Variants in MPP4 observed in about 807,000 individuals in gnomAD.
The protein encoded by MPP4 is MAGUK p55 scaffold protein 4, also known as MAGUK p55 subfamily member 4.
A neutral mutation model predicts 98.3 loss-of-function variants in MPP4; 91 were observed. The observed-to-expected ratio is 0.93, with a 90% CI of 0.78 to 1.10. The LOEUF is 1.10. Ranked by LOEUF, MPP4 falls within the 50% of genes least tolerant of loss-of-function variation. The probability of loss-of-function intolerance (pLI) is 0.00; values close to 1 mark genes in which losing one functional copy is unlikely to be tolerated. For synonymous variants in MPP4, 261 were observed against 271.8 expected (o/e 0.96, Z 0.39); for missense variants, 744 against 792.9 (o/e 0.94, Z 0.74).
chr2:201,697,702 C>T (rs1689230858), intron 1 of MPP4, among the ~76,000 whole-genome samples: 1 of 152,188 alleles, frequency 6.6e-6, no homozygotes, highest in Admixed American at 6.5e-5. Flanking sequence ...CCTTTCCTCC[C>T]TGGCCTGGTA....
chr2:201,666,055 C>T (rs1688165936), intron 13 of MPP4: 2 of 276,732 alleles, frequency 7.2e-6, no homozygotes, highest in Non-Finnish European at 1.4e-5. Context: ...AAGTGTTCTA[C>T]CATCGGATAT....
chr2:201,645,498 CTATG>C, intron 21 of MPP4, 94 bp from the exon 22 acceptor site: 1 of 1,083,288 alleles, frequency 9.2e-7, no homozygotes, highest in East Asian at 2.8e-5. Flanking sequence ...AGTTGTGAAA[CTATG>C]TATAAAAACA....
At chr2:201,683,751 CAA>C (rs1321790610) in intron 7 of MPP4, among the ~76,000 whole-genome samples, 11 of 86,672 alleles carry the variant, frequency 1.3e-4, no homozygotes, top group South Asian at 3.6e-4. Context: ...GACTCTGTCT[CAA>C]AAAAAAAAAA....
At chr2:201,656,628 C>T (rs1042533403) in intron 16 of MPP4, among the ~76,000 whole-genome samples, 1 of 152,330 alleles carries the variant, frequency 6.6e-6, no homozygotes, top group East Asian at 1.9e-4. Context: ...AGGCCACTTT[C>T]TCATGAAATC....
Position 201,652,751 on chromosome 2 carries a change from A to G in MPP4, c.1381+2086T>C, listed in dbSNP as rs537454714. 6.6e-5 allele frequency among the ~76,000 whole-genome samples: 10 copies of G among 152,208 alleles called. No homozygotes were observed. The South Asian group carries it at 1.7e-3, about 25-fold the overall frequency. ...TGAGTCACTTCTCTTTCCTTTCACC[A>G]TATTTCTACTGCTCCTGCTTCTCTC... On this transcript the variant is annotated intron_variant, in intron 18 of 21. Coordinates refer to ENST00000409474, the MANE Select transcript of MPP4 (RefSeq NM_033066.3).
Position 201,666,365 on chromosome 2 carries a change from GTCA to G in MPP4, c.1017_1019del (p.Asp340del), listed in dbSNP as rs1195620763. The stretch of plus-strand genomic sequence containing the variant: ...CCACACATTTCTCATCAATCTTCAT[GTCA>G]TCTTCTATAAAAGAGTATAGAAAGG... On this transcript the variant is annotated inframe_deletion, in exon 13 of 22. Coordinates refer to ENST00000409474, the MANE Select transcript of MPP4 (RefSeq NM_033066.3). The G allele has an allele frequency of 5.8e-6, 9 of 1,553,148 alleles. No homozygotes were observed. The highest frequency in any genetic ancestry group is 1.4e-5 in the African/African-American group (1 of 72,990).
chr2:201,656,199 C>G lies in MPP4; in HGVS notation c.1299G>C (p.Met433Ile). ...GAGACAGTGCATGCTGGGACATACC[C>G]ATGAGCACTATGAGGCGGTACTTGT... ...PSDKYRLIVL[M>I]GPSGVGVNEL... Residue 433 changes from methionine to isoleucine, a missense_variant and splice_region_variant, in exon 17 of 22, where the codon ATG becomes ATC. Physicochemically the swap from Met to Ile is conservative, Grantham distance 10. Coordinates refer to ENST00000409474, the MANE Select transcript of MPP4 (RefSeq NM_033066.3). 7 of 1,601,814 alleles carry G rather than the reference C, an allele frequency of 4.4e-6. No homozygotes were observed. Among genetic ancestry groups the G allele is most frequent in the Non-Finnish European group, 6.0e-6 (7 of 1,174,104 alleles).
chr2:201,645,148 T>G lies in MPP4; in HGVS notation c.*62A>C. On this transcript the variant is annotated 3_prime_UTR_variant, in exon 22 of 22. Transcript: ENST00000409474. ...TGGGTCAAATACTGTTGTTTTAGAT[T>G]GCAACTATGGATCGCTGTATCAAGG... 1 of 1,382,140 alleles carries G rather than the reference T, an allele frequency of 7.2e-7. No individual in the cohort carries two copies. 85.6% of individuals were successfully genotyped at this position (1,382,140 alleles called of 1,614,324 possible).
At chr2:201,658,575 A>G in intron 15 of MPP4, 57 bp from the exon 16 acceptor site, 1 of 1,502,462 alleles carries the variant, frequency 6.7e-7, no homozygotes, top group Admixed American at 2.0e-5. Flanking sequence ...TTTATTCAGA[A>G]TAAATTCATG....
intron 11 of MPP4, among the ~76,000 whole-genome samples, chr2:201,673,050 A>G (rs964521633): frequency 2.0e-5 from 3 of 152,244 alleles, no homozygotes; most frequent in Admixed American, 2.0e-4. Context: ...CTGGGATGCA[A>G]GGCTGGTTCA....
chr2:201,674,740 C>G (rs1184173728), intron 11 of MPP4, among the ~76,000 whole-genome samples: 1 of 152,122 alleles, frequency 6.6e-6, no homozygotes, highest in African/African-American at 2.4e-5. Context: ...AGGAGAGGAG[C>G]CTGAATTCTG....
At chr2:201,648,463 T>C (rs1687627807) in intron 20 of MPP4, among the ~76,000 whole-genome samples, 1 of 152,184 alleles carries the variant, frequency 6.6e-6, no homozygotes, top group Admixed American at 6.5e-5. Context: ...AAATGAACAT[T>C]TTAAAAATTT....
chr2:201,650,444 A>G, intron 18 of MPP4: 8 of 985,440 alleles, frequency 8.1e-6, no homozygotes, highest in Non-Finnish European at 9.6e-6. Flanking sequence ...TTATTACTTC[A>G]AAATAAGTGC....
intron 16 of MPP4, 115 bp downstream of exon 16, chr2:201,658,362 T>A: frequency 1.3e-6 from 1 of 783,964 alleles, no homozygotes; most frequent in Non-Finnish European, 2.1e-6. Flanking sequence ...GAAACTAGAA[T>A]GAGGAACAGG....
chr2:201,650,596 A>T (rs1376800529), intron 18 of MPP4: 2 of 985,266 alleles, frequency 2.0e-6, no homozygotes, highest in East Asian at 2.3e-4. Flanking sequence ...TAATATCTAT[A>T]TTTTACTCAT....
intron 12 of MPP4, among the ~76,000 whole-genome samples, chr2:201,668,347 G>C (rs187060274): frequency 6.6e-6 from 1 of 152,254 alleles, no homozygotes; most frequent in East Asian, 1.9e-4. Flanking sequence ...CTTTAAGGAG[G>C]TAATTAAGGT....
At chr2:201,675,148 G>T in intron 11 of MPP4, 59 bp downstream of exon 11, 1 of 1,515,668 alleles carries the variant, frequency 6.6e-7, no homozygotes, top group Non-Finnish European at 9.0e-7. Flanking sequence ...TTTATTTACT[G>T]CAATGCCATG....
chr2:201,652,352 G>A (rs1160628902), intron 18 of MPP4, among the ~76,000 whole-genome samples: 4 of 151,870 alleles, frequency 2.6e-5, no homozygotes, highest in South Asian at 2.1e-4. Context: ...TCAGCTACTC[G>A]GGAGGCTGAG....
At chr2:201,668,449 TTTCTCTTCTCTTCTC>T (rs113238787) in intron 12 of MPP4, among the ~76,000 whole-genome samples, 3 of 149,872 alleles carry the variant, frequency 2.0e-5, no homozygotes, top group Non-Finnish European at 4.4e-5. Flanking sequence ...TCTCTCTCTC[TTTCTCTTCTCTTCTC>T]TTCTCTTCTC....
Sources: allele counts gnomAD v4.1 joint callset (sites outside exome capture counted in the v4.1 genomes callset), GRCh38; gene constraint gnomAD v4.1.1; transcripts MANE v1.5; gene names NCBI Gene and HGNC (gene_info 2026-07-23, HGNC 2026-07-21).